The following CAPN3 variants were observed in gnomAD, a reference collection of about 807,000 sequenced individuals.
The protein encoded by CAPN3 is calpain-3.
CAPN3 carries 88 observed loss-of-function variants against 114.0 expected under a neutral mutation model. The ratio of observed to expected loss-of-function variants is 0.77; its 90% CI spans 0.65 to 0.92. CAPN3 has a LOEUF of 0.92. Ranked by LOEUF, CAPN3 falls within the 40% of genes least tolerant of loss-of-function variation. The pLI is 0.00. For synonymous variants in CAPN3, 386 were observed against 382.9 expected, an observed-to-expected ratio of 1.01 and a Z score of -0.09; for missense variants, 1,028 against 1,069.0, an observed-to-expected ratio of 0.96 and a Z score of 0.53.
At chr15:42,392,587 C>G in intron 6 of CAPN3, 52 bp from the exon 7 acceptor site, 1 of 1,418,130 alleles carries the variant, frequency 7.1e-7, no homozygotes. Context: ...CTCCAAGCAG[C>G]AGAACTTCTG....
chr15:42,402,642 G>A, intron 12 of CAPN3, 152 bp from the exon 13 acceptor site: 2 of 1,536,130 alleles, frequency 1.3e-6, no homozygotes, highest in South Asian at 1.2e-5. Flanking sequence ...GAGGTAGGGA[G>A]GCTATTTAAG....
intron 23 of CAPN3, among the ~76,000 whole-genome samples, 166 bp downstream of exon 23, chr15:42,411,511 C>T (rs28364545): frequency 6.6e-6 from 1 of 152,182 alleles, no homozygotes; most frequent in Non-Finnish European, 1.5e-5. Context: ...AGGACACATG[C>T]ACTTGAGGCC....
At chr15:42,402,231 G>A (rs1440008999) in intron 12 of CAPN3, 96 bp downstream of exon 12, 2 of 1,606,426 alleles carry the variant, frequency 1.2e-6, no homozygotes, top group African/African-American at 2.7e-5. Flanking sequence ...GGTGGGGTTT[G>A]TGGGCAGGAC....
intron 8 of CAPN3, among the ~76,000 whole-genome samples, chr15:42,395,670 T>TG (rs1287831727): frequency 6.6e-6 from 1 of 152,220 alleles, no homozygotes; most frequent in Non-Finnish European, 1.5e-5. Context: ...GAGCTTGGTG[T>TG]GCAGCCCTGC....
Position 42,359,591 on chromosome 15 carries a change from C to T in CAPN3, c.-215C>T, listed in dbSNP as rs746181588. On this transcript the variant is annotated 5_prime_UTR_variant, in exon 1 of 24. An upstream open reading frame in the 5' UTR gains an earlier in-frame stop. Coordinates refer to ENST00000397163, the MANE Select transcript of CAPN3 (RefSeq NM_000070.3). ...CAGAAATCCTTTAGCACTCATTTCT[C>T]AGGAGAACTTATGGCTTCAGAATCA... The T allele has an allele frequency of 6.4e-5, 91 of 1,417,520 alleles. No homozygotes were observed. The highest frequency in any genetic ancestry group is 8.8e-5 in the Admixed American group (3 of 34,188). The allele number at this position is 1,417,520 out of a possible 1,614,324, so 87.8% of individuals were successfully genotyped here.
chr15:42,392,729 C>CTGGTGGGGCT lies in CAPN3; in HGVS notation c.1029+17_1029+26dup, dbSNP rs754919270. ...TGTCACGGGGCTGGATGAGGTAAGC[C>CTGGTGGGGCT]TGGTGGGGCTTGGTGGGGCAAGGGC... On this transcript the variant is annotated splice_region_variant and intron_variant, in intron 7 of 23. Coordinates refer to ENST00000397163, the MANE Select transcript of CAPN3 (RefSeq NM_000070.3). 2.3e-5 allele frequency: 37 copies of CTGGTGGGGCT among 1,612,944 alleles called. No individual in the cohort carries two copies. The highest frequency in any genetic ancestry group is 4.0e-5 in the African/African-American group (3 of 74,990).
chr15:42,360,153 A>G (rs752495658), intron 1 of CAPN3, 39 bp downstream of exon 1: 34 of 1,612,876 alleles, frequency 2.1e-5, no homozygotes, highest in Non-Finnish European at 2.9e-5. Context: ...TTTTCCCCCC[A>G]CGGAGGAGTC....
In CAPN3 at chr15:42,411,014, G is replaced by A. The variant is rs2054208271; in HGVS notation, c.2380+14G>A. ...AGGGCATGTTCAGTAAGTGGGAGAG[G>A]GGGGCTGCCCTCTGCTCTCTTGCAG... On this transcript the variant is annotated intron_variant, in intron 22 of 23. Transcript: ENST00000397163. The A allele has an allele frequency of 6.3e-7, 1 of 1,586,750 alleles. No homozygotes were observed. The highest frequency in any genetic ancestry group is 2.2e-5 in the East Asian group (1 of 44,742).
intron 1 of CAPN3, among the ~76,000 whole-genome samples, chr15:42,372,243 A>G (rs2052970194): frequency 1.3e-5 from 2 of 152,038 alleles, no homozygotes; most frequent in Admixed American, 6.6e-5. Flanking sequence ...CACTGCAAAC[A>G]TCACCTCCCA....
chr15:42,387,912 T>C (rs1482286751), intron 4 of CAPN3, 26 bp downstream of exon 4: 1 of 1,613,934 alleles, frequency 6.2e-7, no homozygotes, highest in African/African-American at 1.3e-5. Flanking sequence ...GAATGTGAGG[T>C]GGGGCTAGAG....
At chr15:42,370,453 T>C (rs2141124233) in intron 1 of CAPN3, among the ~76,000 whole-genome samples, 1 of 152,326 alleles carries the variant, frequency 6.6e-6, no homozygotes, top group East Asian at 1.9e-4. Context: ...TCCTAGTGCC[T>C]ACGACCCAGT....
chr15:42,359,602 A>C lies in CAPN3; in HGVS notation c.-204A>C. On this transcript the variant is annotated 5_prime_UTR_variant, in exon 1 of 24. The change abolishes an upstream ATG in the 5' untranslated region. Transcript: ENST00000397163. Reference sequence around the variant, plus strand: ...TAGCACTCATTTCTCAGGAGAACTTATGGCTTCAGAATCACAGCTCGGTTT... The same window carrying C: ...TAGCACTCATTTCTCAGGAGAACTTCTGGCTTCAGAATCACAGCTCGGTTT... The C allele has an allele frequency of 7.0e-7, 1 of 1,426,076 alleles. No individual in the cohort carries two copies. The allele number at this position is 1,426,076 out of a possible 1,614,324, so 88.3% of individuals were successfully genotyped here.
At position 42,396,760 on chromosome 15, in the gene CAPN3, C is replaced by G. The variant is rs781402273; in HGVS notation, c.1116-40C>G. ...CTGTCCCAACCTACATCAGGCCTTC[C>G]CTTCTTCCTGCTTCCTTAATTCCTC... On this transcript the variant is annotated intron_variant, in intron 8 of 23. Transcript: ENST00000397163. 2.0e-6 allele frequency: 3 copies of G among 1,516,930 alleles called. No homozygotes were observed. In the Admixed American group the frequency reaches 5.0e-5, roughly 25 times the overall value. 94.0% of individuals were successfully genotyped at this position (1,516,930 alleles called of 1,614,324 possible).
intron 15 of CAPN3, among the ~76,000 whole-genome samples, chr15:42,407,300 T>C (rs1183717172): frequency 6.6e-6 from 1 of 152,100 alleles, no homozygotes; most frequent in Non-Finnish European, 1.5e-5. Flanking sequence ...GATTTTACCA[T>C]TAAAGGATGA....
intron 9 of CAPN3, among the ~76,000 whole-genome samples, chr15:42,398,635 A>ACG (rs1491555635): frequency 2.1e-4 from 30 of 142,848 alleles, no homozygotes; most frequent in African/African-American, 7.1e-4. Context: ...ACACACACAC[A>ACG]TATATATACA....
At chr15:42,394,085 C>T (rs1337331030) in intron 7 of CAPN3, among the ~76,000 whole-genome samples, 171 bp from the exon 8 acceptor site, 2 of 151,804 alleles carry the variant, frequency 1.3e-5, no homozygotes, top group Non-Finnish European at 2.9e-5. Context: ...AGGTCTGACC[C>T]ACCCCCTGCC....
Position 42,409,823 on chromosome 15 carries a change from C to T in CAPN3, c.2029C>T (p.Leu677Phe). ...CTGTGCAGATGAGCTCAAGAAGGTCCTTAACACAGTCGTGAACAAACGTGA... is the reference window on the plus strand; with the variant it reads ...CTGTGCAGATGAGCTCAAGAAGGTCTTTAACACAGTCGTGAACAAACGTGA... ...EICADELKKV[L>F]NTVVNKHKDL... Residue 677 changes from leucine (L) to phenylalanine (F), a missense_variant, in exon 18 of 24, where the codon CTT becomes TTT. Transcript: ENST00000397163. 1 of 1,553,330 alleles carries T rather than the reference C, an allele frequency of 6.4e-7. No individual in the cohort carries two copies. The highest frequency in any genetic ancestry group is 2.5e-5 in the East Asian group (1 of 40,764).
intron 7 of CAPN3, among the ~76,000 whole-genome samples, 188 bp downstream of exon 7, chr15:42,392,910 A>T (rs578254697): frequency 6.6e-5 from 10 of 152,236 alleles, no homozygotes; most frequent in Non-Finnish European, 1.5e-4. Flanking sequence ...ATCCTGCCAC[A>T]GTTGGTGCAC....
At chr15:42,402,029 CT>C in intron 11 of CAPN3, 94 bp from the exon 12 acceptor site, 1 of 1,526,888 alleles carries the variant, frequency 6.5e-7, no homozygotes, top group South Asian at 1.1e-5. Flanking sequence ...GGGGGTCAGG[CT>C]TCCGCATGCG....
Sources: allele counts gnomAD v4.1 joint callset (sites outside exome capture counted in the v4.1 genomes callset), GRCh38; gene constraint gnomAD v4.1.1; transcripts MANE v1.5; gene names NCBI Gene and HGNC (gene_info 2026-07-23, HGNC 2026-07-21).